ABTB3: variants seen among roughly 807,000 people sequenced by gnomAD.
ABTB3 encodes the protein ankyrin repeat and BTB domain containing 3.
the ABTB3 span, among the ~76,000 whole-genome samples, chr12:107,489,640 G>A: frequency 1.3e-5 from 2 of 152,174 alleles, no homozygotes; most frequent in South Asian, 2.1e-4. Context: ...TGTGTGTGTT[G>A]ATATCCATGG....
chr12:107,487,592 G>A, the ABTB3 span, among the ~76,000 whole-genome samples: 1 of 152,106 alleles, frequency 6.6e-6, no homozygotes, highest in Admixed American at 6.5e-5. Flanking sequence ...TCCACTTAAG[G>A]AGGAGTAAAT....
the ABTB3 span, among the ~76,000 whole-genome samples, chr12:107,439,561 C>G: frequency 6.6e-6 from 1 of 152,156 alleles, no homozygotes; most frequent in African/African-American, 2.4e-5. Context: ...ACCTCTCCTT[C>G]CCCCTGCCCT....
the ABTB3 span, among the ~76,000 whole-genome samples, chr12:107,550,466 A>G: frequency 0.37 from 55,710 of 149,928 alleles, 10,540 homozygotes; most frequent in Non-Finnish European, 0.38. Flanking sequence ...CTCTGAACAC[A>G]GTAACATCAT....
At chr12:107,484,508 T>A in the ABTB3 span, among the ~76,000 whole-genome samples, 1 of 151,826 alleles carries the variant, frequency 6.6e-6, no homozygotes, top group African/African-American at 2.4e-5. Flanking sequence ...GGTGAATGGG[T>A]CCCTTGCAGG....
the ABTB3 span, among the ~76,000 whole-genome samples, chr12:107,519,355 C>G: frequency 7.7e-6 from 1 of 129,820 alleles, no homozygotes; most frequent in Non-Finnish European, 1.6e-5. Flanking sequence ...GACAGTCTTG[C>G]TCTGTTGCCT....
chr12:107,519,701 A>G, the ABTB3 span, among the ~76,000 whole-genome samples: 1 of 152,194 alleles, frequency 6.6e-6, no homozygotes, highest in East Asian at 1.9e-4. Flanking sequence ...TTTTGACTCC[A>G]TCGTGTTTGT....
the ABTB3 span, among the ~76,000 whole-genome samples, chr12:107,591,400 C>T: frequency 5.3e-5 from 8 of 152,032 alleles, no homozygotes; most frequent in South Asian, 2.1e-4. Flanking sequence ...ACCATCATGG[C>T]GGAAGGGGAA....
the ABTB3 span, among the ~76,000 whole-genome samples, chr12:107,616,902 G>T: frequency 1.2e-4 from 18 of 152,196 alleles, no homozygotes; most frequent in African/African-American, 4.3e-4. Flanking sequence ...ATTCCGAGTA[G>T]CCTAGCAGCA....
At chr12:107,573,470 A>ATGGG in the ABTB3 span, among the ~76,000 whole-genome samples, 705 of 150,654 alleles carry the variant, frequency 4.7e-3, 7 homozygotes, top group African/African-American at 0.014. Flanking sequence ...GAATCGATGG[A>ATGGG]TGGATGGATG....
chr12:107,463,161 T>A, the ABTB3 span, among the ~76,000 whole-genome samples: 41 of 150,746 alleles, frequency 2.7e-4, no homozygotes, highest in South Asian at 8.4e-4. Context: ...GTGACAATGA[T>A]GAGGGTGGTG....
the ABTB3 span, among the ~76,000 whole-genome samples, chr12:107,596,329 T>C: frequency 2.0e-5 from 3 of 152,158 alleles, no homozygotes; most frequent in African/African-American, 7.2e-5. Context: ...AGTTTTCAAA[T>C]TTGGCCTGGT....
At chr12:107,380,072 C>T in the ABTB3 span, among the ~76,000 whole-genome samples, 1 of 152,166 alleles carries the variant, frequency 6.6e-6, no homozygotes, top group Admixed American at 6.5e-5. Context: ...GTCTGTGACC[C>T]TTAAAAGACC....
At chr12:107,339,183 G>A in the ABTB3 span, among the ~76,000 whole-genome samples, 3 of 152,200 alleles carry the variant, frequency 2.0e-5, no homozygotes, top group Non-Finnish European at 4.4e-5. Context: ...TGGGCTCCTT[G>A]CACCTTTCCC....
At chr12:107,344,353 G>A in the ABTB3 span, among the ~76,000 whole-genome samples, 1 of 152,160 alleles carries the variant, frequency 6.6e-6, no homozygotes, top group South Asian at 2.1e-4. Flanking sequence ...ACCCAATCAT[G>A]TTAGTGAAGA....
the ABTB3 span, among the ~76,000 whole-genome samples, chr12:107,445,489 A>C: frequency 2.0e-5 from 3 of 152,190 alleles, no homozygotes; most frequent in African/African-American, 7.2e-5. Context: ...CCTGTGAGCC[A>C]TGCTGAGGAG....
chr12:107,638,572 G>A, the ABTB3 span, among the ~76,000 whole-genome samples: 1 of 152,206 alleles, frequency 6.6e-6, no homozygotes, highest in Non-Finnish European at 1.5e-5. Context: ...GGTTCCCCGG[G>A]TCCTCGGCAG....
At chr12:107,445,409 G>A in the ABTB3 span, among the ~76,000 whole-genome samples, 1 of 152,082 alleles carries the variant, frequency 6.6e-6, no homozygotes, top group African/African-American at 2.4e-5. Context: ...CGGAAATAGC[G>A]CCCACAAGAA....
chr12:107,410,214 G>T, the ABTB3 span, among the ~76,000 whole-genome samples: 1 of 136,612 alleles, frequency 7.3e-6, no homozygotes, highest in Non-Finnish European at 1.5e-5. Context: ...GTAAATAAAT[G>T]ATCAGAATTG....
chr12:107,374,091 G>T, the ABTB3 span, among the ~76,000 whole-genome samples: 1 of 152,158 alleles, frequency 6.6e-6, no homozygotes, highest in African/African-American at 2.4e-5. Flanking sequence ...TACCTGCAGA[G>T]GGAGTGGGCA....
Sources: gnomAD v4.1 joint callset for allele counts (sites outside exome capture counted in the v4.1 genomes callset) on GRCh38, gnomAD v4.1.1 for gene constraint, MANE v1.5 for transcripts, NCBI Gene and HGNC (gene_info 2026-07-23, HGNC 2026-07-21) for gene names.